The following ELMO1 variants were observed in gnomAD, a reference collection of about 807,000 sequenced individuals.
ELMO1 encodes the protein engulfment and cell motility 1.
A neutral mutation model predicts 98.9 loss-of-function variants in ELMO1; 26 were observed. That is an observed-to-expected ratio of 0.26 (90% CI 0.19 to 0.36). The LOEUF (loss-of-function observed/expected upper bound fraction) is 0.36. Among genes scored for constraint, ELMO1 ranks in the 10% least tolerant of loss-of-function variants. The pLI is 1.00. For synonymous variants in ELMO1, 346 were observed against 346.0 expected, an observed-to-expected ratio of 1.00 and a Z score of 0.00; for missense variants, 627 against 935.2, an observed-to-expected ratio of 0.67 and a Z score of 4.30.
chr7:37,122,172 C>G (rs1433953377), intron 14 of ELMO1, among the ~76,000 whole-genome samples: 3 of 152,208 alleles, frequency 2.0e-5, no homozygotes, highest in Non-Finnish European at 2.9e-5. Context: ...GTACCAGCCA[C>G]TGCAAAATCA....
At chr7:37,385,080 T>A (rs1487247116) in intron 1 of ELMO1, among the ~76,000 whole-genome samples, 1 of 152,210 alleles carries the variant, frequency 6.6e-6, no homozygotes, top group Non-Finnish European at 1.5e-5. Context: ...ACCTGCCACA[T>A]ATGCATAAAC....
chr7:37,026,222 G>A (rs984942324), intron 15 of ELMO1, among the ~76,000 whole-genome samples: 2 of 152,136 alleles, frequency 1.3e-5, no homozygotes, highest in Non-Finnish European at 2.9e-5. Context: ...TGGGATACAG[G>A]CAGATTAATG....
At position 37,360,447 on chromosome 7, in the gene ELMO1, G is replaced by A. The variant is rs1271860582; in HGVS notation, c.-73-17684C>T. ...TTTTAAAAAAAAAAAAAAACACCAA[G>A]GTCGACATTTCAAACATCTACATAA... is the stretch of plus-strand genomic sequence containing the variant. On this transcript the variant is annotated intron_variant, in intron 1 of 21. Transcript: ENST00000310758. 3.3e-5 allele frequency among the ~76,000 whole-genome samples: 5 copies of A among 150,610 alleles called. No individual in the cohort carries two copies. The East Asian group carries it at 5.8e-4, about 17-fold the overall frequency.
intron 14 of ELMO1, among the ~76,000 whole-genome samples, chr7:37,103,252 G>A (rs975011331): frequency 2.6e-5 from 4 of 152,074 alleles, no homozygotes; most frequent in East Asian, 1.9e-4. Flanking sequence ...GAAAAAGCAC[G>A]ACAGAAAACA....
chr7:37,304,850 G>C (rs191555276), intron 4 of ELMO1, among the ~76,000 whole-genome samples: 1 of 152,130 alleles, frequency 6.6e-6, no homozygotes, highest in Admixed American at 6.5e-5. Context: ...TAAGTGGCTT[G>C]TTTTCACATA....
chr7:37,391,391 C>T (rs1803071138), intron 1 of ELMO1, among the ~76,000 whole-genome samples: 1 of 152,222 alleles, frequency 6.6e-6, no homozygotes, highest in Admixed American at 6.5e-5. Flanking sequence ...GCTGGCATTA[C>T]AGGCATGAGC....
intron 15 of ELMO1, among the ~76,000 whole-genome samples, chr7:37,028,363 C>A (rs570741969): frequency 6.6e-6 from 1 of 152,094 alleles, no homozygotes; most frequent in South Asian, 2.1e-4. Flanking sequence ...TCCGACCTAC[C>A]ATTTTTATGG....
chr7:36,901,147 T>C (rs976145594), intron 16 of ELMO1, among the ~76,000 whole-genome samples: 1 of 152,166 alleles, frequency 6.6e-6, no homozygotes, highest in African/African-American at 2.4e-5. Context: ...GTCTTTAAAA[T>C]TGGGTCAGCT....
intron 1 of ELMO1, among the ~76,000 whole-genome samples, chr7:37,401,739 C>T (rs1803542654): frequency 6.6e-6 from 1 of 152,032 alleles, no homozygotes; most frequent in Non-Finnish European, 1.5e-5. Context: ...CACCATGATT[C>T]AATTACCTCC....
chr7:37,411,098 T>C (rs1166952535), intron 1 of ELMO1, among the ~76,000 whole-genome samples: 1 of 152,228 alleles, frequency 6.6e-6, no homozygotes, highest in Non-Finnish European at 1.5e-5. Context: ...TTCCTGGTTC[T>C]CAGAAAACCA....
intron 13 of ELMO1, among the ~76,000 whole-genome samples, chr7:37,179,090 AG>A (rs1343914986): frequency 2.0e-5 from 3 of 152,196 alleles, no homozygotes; most frequent in Non-Finnish European, 4.4e-5. Context: ...AGCTAGGTAA[AG>A]GGAACAGGGT....
At chr7:36,903,828 G>T (rs1278605593) in intron 16 of ELMO1, among the ~76,000 whole-genome samples, 1 of 152,218 alleles carries the variant, frequency 6.6e-6, no homozygotes, top group Non-Finnish European at 1.5e-5. Flanking sequence ...GCTTGTTACT[G>T]CCCACAGTTT....
At chr7:36,899,700 T>TTTTTTTTTTTTTTTTTTTTTTAAA in intron 16 of ELMO1, among the ~76,000 whole-genome samples, 1 of 143,658 alleles carries the variant, frequency 7.0e-6, no homozygotes, top group East Asian at 2.0e-4. Flanking sequence ...TTTTTTTTTT[T>TTTTTTTTTTTTTTTTTTTTTTAAA]ACCACTCCTA....
intron 8 of ELMO1, among the ~76,000 whole-genome samples, chr7:37,226,294 G>A (rs1438430754): frequency 6.6e-6 from 1 of 152,128 alleles, no homozygotes; most frequent in African/African-American, 2.4e-5. Flanking sequence ...TCAAAAGACT[G>A]CTTCAGCTCT....
At chr7:37,280,690 T>TA (rs144707879) in intron 4 of ELMO1, among the ~76,000 whole-genome samples, 10,294 of 151,256 alleles carry the variant, frequency 0.068, 466 homozygotes, top group African/African-American at 0.11. Context: ...ATCAAAAAAA[T>TA]AAAAAAAACA....
intron 1 of ELMO1, among the ~76,000 whole-genome samples, chr7:37,360,396 T>G (rs986559354): frequency 1.4e-5 from 2 of 145,330 alleles, no homozygotes; most frequent in Non-Finnish European, 3.0e-5. Context: ...CGGCTTAAAA[T>G]GAAAGTTTAT....
At chr7:36,943,905 T>C (rs927967040) in intron 16 of ELMO1, among the ~76,000 whole-genome samples, 4 of 152,172 alleles carry the variant, frequency 2.6e-5, no homozygotes, top group Admixed American at 2.6e-4. Flanking sequence ...AGACAGGGTC[T>C]GCACAATCCT....
At chr7:36,959,203 C>T (rs1461070860) in intron 16 of ELMO1, among the ~76,000 whole-genome samples, 1 of 152,134 alleles carries the variant, frequency 6.6e-6, no homozygotes, top group Non-Finnish European at 1.5e-5. Context: ...TCTAACCCCT[C>T]CACCTTAGTC....
chr7:37,058,810 A>G (rs1438881197), intron 15 of ELMO1, among the ~76,000 whole-genome samples: 1 of 152,188 alleles, frequency 6.6e-6, no homozygotes, highest in African/African-American at 2.4e-5. Context: ...GACTCCTCAA[A>G]GATTGTGAAA....
Sources: allele counts gnomAD v4.1 joint callset (sites outside exome capture counted in the v4.1 genomes callset), GRCh38; gene constraint gnomAD v4.1.1; transcripts MANE v1.5; gene names NCBI Gene and HGNC (gene_info 2026-07-23, HGNC 2026-07-21).